Variants in NR3C2 observed in about 807,000 individuals in gnomAD.
The protein encoded by NR3C2 is mineralocorticoid receptor.
Under a neutral mutation model 86.4 loss-of-function variants are expected in NR3C2, and 15 were observed. The observed-to-expected ratio is 0.17, with a 90% CI of 0.12 to 0.27. The LOEUF (loss-of-function observed/expected upper bound fraction) is 0.27, where lower values mean the gene tolerates loss of function less well. Among genes scored for constraint, NR3C2 ranks in the 10% least tolerant of loss-of-function variants. NR3C2 has a pLI of 1.00. For synonymous variants in NR3C2, 458 were observed against 450.5 expected (o/e 1.02, Z -0.21); for missense variants, 960 against 1,195.6 (o/e 0.80, Z 2.91).
intron 4 of NR3C2, among the ~76,000 whole-genome samples, chr4:148,156,545 C>T (rs1478561157): frequency 6.6e-6 from 1 of 152,094 alleles, no homozygotes; most frequent in Non-Finnish European, 1.5e-5. Flanking sequence ...CCAAAAGACA[C>T]AAGAAAAAAT....
intron 2 of NR3C2, among the ~76,000 whole-genome samples, chr4:148,343,366 G>A (rs567930729): frequency 5.3e-5 from 8 of 152,136 alleles, no homozygotes; most frequent in Non-Finnish European, 1.0e-4. Flanking sequence ...TACATCTCAC[G>A]GATTCAAGTC....
rs922199941 is a variant in NR3C2 at position 148,216,591 on chromosome 4, C to T, written c.1898-21729G>A. Among the ~76,000 whole-genome samples, 6 of 152,136 alleles carry T rather than the reference C, an allele frequency of 3.9e-5. 1 individual carries two copies. The highest frequency in any genetic ancestry group is 6.3e-3 in the Middle Eastern group (2 of 316). ...TCTTAGCCTTGGCTGGGTATCAGAA[C>T]CTTACTGGAAACTTTTCAAAATACT... On this transcript the variant is annotated intron_variant, in intron 3 of 8. Coordinates refer to ENST00000358102, the MANE Select transcript of NR3C2 (RefSeq NM_000901.5).
chr4:148,336,676 A>AT, intron 2 of NR3C2, among the ~76,000 whole-genome samples: 1 of 152,296 alleles, frequency 6.6e-6, no homozygotes, highest in East Asian at 1.9e-4. Context: ...AGTTTTCTAG[A>AT]TTTTGGATGA....
chr4:148,376,301 T>C (rs771867100), intron 2 of NR3C2, among the ~76,000 whole-genome samples: 3 of 151,894 alleles, frequency 2.0e-5, no homozygotes, highest in Non-Finnish European at 2.9e-5. Context: ...TTACAGTATT[T>C]AAAAAAAAGA....
At chr4:148,278,218 A>G (rs1741055278) in intron 2 of NR3C2, among the ~76,000 whole-genome samples, 1 of 151,896 alleles carries the variant, frequency 6.6e-6, no homozygotes, top group African/African-American at 2.4e-5. Flanking sequence ...AGAGATTTTC[A>G]TGCTTCAGCC....
intron 2 of NR3C2, among the ~76,000 whole-genome samples, chr4:148,315,691 C>T (rs72655300): frequency 1.1e-3 from 167 of 152,252 alleles, no homozygotes; most frequent in African/African-American, 3.8e-3. Context: ...TAAAGACTTA[C>T]GTATTCTGTT....
rs535674953 is a variant in NR3C2 at position 148,269,348 on chromosome 4, T to G, written c.1758-9231A>C. Among the ~76,000 whole-genome samples, 3 of 152,320 alleles carry G rather than the reference T, an allele frequency of 2.0e-5. No homozygotes were observed. The East Asian group carries it at 5.8e-4, about 29-fold the overall frequency. ...GGGATGTGGTCATTGTTGATACTGTTGACCTTATCGACGGTAGTTTTTAAG... is the reference window on the plus strand; with the variant it reads ...GGGATGTGGTCATTGTTGATACTGTGGACCTTATCGACGGTAGTTTTTAAG... On this transcript the variant is annotated intron_variant, in intron 2 of 8. Transcript: ENST00000358102.
At chr4:148,116,067 G>A (rs532429461) in intron 7 of NR3C2, among the ~76,000 whole-genome samples, 5 of 152,212 alleles carry the variant, frequency 3.3e-5, no homozygotes, top group African/African-American at 1.2e-4. Context: ...TAGCATTTAA[G>A]TTATAAAACT....
chr4:148,303,442 G>C (rs1742443769), intron 2 of NR3C2, among the ~76,000 whole-genome samples: 1 of 152,160 alleles, frequency 6.6e-6, no homozygotes, highest in South Asian at 2.1e-4. Flanking sequence ...GTAAGACCAA[G>C]AGGGCTAACC....
intron 2 of NR3C2, among the ~76,000 whole-genome samples, chr4:148,312,620 T>C (rs1014617892): frequency 1.3e-5 from 2 of 152,168 alleles, no homozygotes; most frequent in Admixed American, 6.5e-5. Flanking sequence ...AAAAGTATAC[T>C]GAGAAGAAAG....
At chr4:148,294,215 T>G (rs1269934261) in intron 2 of NR3C2, among the ~76,000 whole-genome samples, 1 of 152,200 alleles carries the variant, frequency 6.6e-6, no homozygotes, top group Non-Finnish European at 1.5e-5. Context: ...TTTCCTCATC[T>G]GCAAAATGGG....
At chr4:148,305,892 G>A (rs183120205) in intron 2 of NR3C2, among the ~76,000 whole-genome samples, 1 of 152,276 alleles carries the variant, frequency 6.6e-6, no homozygotes, top group African/African-American at 2.4e-5. Flanking sequence ...TGCATTTACT[G>A]TACGTGTCAA....
At chr4:148,393,997 C>G (rs1259745391) in intron 2 of NR3C2, among the ~76,000 whole-genome samples, 1 of 152,160 alleles carries the variant, frequency 6.6e-6, no homozygotes, top group African/African-American at 2.4e-5. Context: ...AGAGACTGGG[C>G]CTCAAAGGGC....
At chr4:148,420,643 T>A (rs1749237256) in intron 2 of NR3C2, among the ~76,000 whole-genome samples, 1 of 152,186 alleles carries the variant, frequency 6.6e-6, no homozygotes, top group Non-Finnish European at 1.5e-5. Flanking sequence ...AGTTTGGATC[T>A]CTGTCCCCAC....
intron 2 of NR3C2, among the ~76,000 whole-genome samples, chr4:148,337,592 A>G (rs1182110655): frequency 6.6e-6 from 1 of 152,218 alleles, no homozygotes; most frequent in Non-Finnish European, 1.5e-5. Flanking sequence ...TTAAACATTT[A>G]TCTATTTTGT....
In NR3C2 at chr4:148,243,482, T is replaced by C. The variant is rs535747753; in HGVS notation, c.1897+16496A>G. 2.4e-4 allele frequency among the ~76,000 whole-genome samples: 37 copies of C among 152,346 alleles called. No homozygotes were observed. The South Asian group carries it at 7.2e-3, about 30-fold the overall frequency. On this transcript the variant is annotated intron_variant, in intron 3 of 8. Coordinates refer to ENST00000358102, the MANE Select transcript of NR3C2 (RefSeq NM_000901.5). ...GATTACTTTTTAAAAGGCTTTCCAA[T>C]ATCCACCTAATATGCTTTCGAGTTC...
At chr4:148,414,625 CA>C (rs1407648509) in intron 2 of NR3C2, among the ~76,000 whole-genome samples, 3 of 151,152 alleles carry the variant, frequency 2.0e-5, no homozygotes, top group Admixed American at 6.6e-5. Context: ...TGTTATTTTT[CA>C]AAAAAAATAC....
chr4:148,386,940 G>T (rs1747292232), intron 2 of NR3C2, among the ~76,000 whole-genome samples: 1 of 152,158 alleles, frequency 6.6e-6, no homozygotes, highest in South Asian at 2.1e-4. Context: ...GGACTCTTCA[G>T]CCTGTGCCTG....
intron 2 of NR3C2, among the ~76,000 whole-genome samples, chr4:148,327,873 C>T (rs1247917058): frequency 6.6e-6 from 1 of 152,204 alleles, no homozygotes; most frequent in East Asian, 1.9e-4. Flanking sequence ...CAGGGCTATA[C>T]AGCTTAACCA....
Sources: allele counts gnomAD v4.1 joint callset (sites outside exome capture counted in the v4.1 genomes callset), GRCh38; gene constraint gnomAD v4.1.1; transcripts MANE v1.5; gene names NCBI Gene and HGNC (gene_info 2026-07-23, HGNC 2026-07-21).